The following RANBP17 variants were observed in gnomAD, a reference collection of about 807,000 sequenced individuals.
The protein encoded by RANBP17 is ran-binding protein 17.
A neutral mutation model predicts 141.2 loss-of-function variants in RANBP17; 158 were observed. That is an observed-to-expected ratio of 1.12 (90% CI 0.98 to 1.28). The LOEUF is 1.28. RANBP17 is among the 50% of genes most tolerant of loss of function. RANBP17 has a pLI of 0.00. For synonymous variants in RANBP17, 430 were observed against 450.0 expected (o/e 0.96, Z 0.56); for missense variants, 1,438 against 1,290.7 (o/e 1.11, Z -1.75).
At chr5:170,870,484 C>T (rs141922044) in intron 1 of RANBP17, among the ~76,000 whole-genome samples, 4,080 of 151,934 alleles carry the variant, frequency 0.027, 169 homozygotes, top group African/African-American at 0.093. Context: ...GTTTTCTGTT[C>T]CTGCATTAGC....
chr5:171,201,789 G>C (rs909911231), intron 19 of RANBP17, among the ~76,000 whole-genome samples: 1 of 152,180 alleles, frequency 6.6e-6, no homozygotes, highest in Non-Finnish European at 1.5e-5. Context: ...TGCACTAAAT[G>C]CTTTTAAATG....
At position 170,968,259 on chromosome 5, in the gene RANBP17, C is replaced by G; in HGVS notation, c.1592C>G (p.Ser531Cys). 1 of 1,583,896 alleles carries G rather than the reference C, an allele frequency of 6.3e-7. No individual in the cohort carries two copies. The highest frequency in any genetic ancestry group is 8.5e-7 in the Non-Finnish European group (1 of 1,170,216). ...TCATGAAGAGTTTTTCAGCTTATAT[C>G]TTTAATGGATACCGGATTGCCTCGA... is the stretch of plus-strand genomic sequence containing the variant. ...ELSCRVFQLI[S>C]LMDTGLPRCC... The change falls in exon 14 of 28, where the codon TCT (serine) becomes TGT (cysteine). Residue 531 changes from serine (S) to cysteine (C), a missense_variant. Coordinates refer to ENST00000523189, the MANE Select transcript of RANBP17 (RefSeq NM_022897.5).
chr5:171,000,973 G>A (rs765358553), intron 14 of RANBP17, among the ~76,000 whole-genome samples: 22 of 152,154 alleles, frequency 1.4e-4, no homozygotes, highest in Non-Finnish European at 1.9e-4. Context: ...GCTTCAGGCC[G>A]TCCGGATGTA....
At chr5:170,980,116 G>A (rs1190115449) in intron 14 of RANBP17, among the ~76,000 whole-genome samples, 2 of 152,170 alleles carry the variant, frequency 1.3e-5, no homozygotes, top group Non-Finnish European at 2.9e-5. Flanking sequence ...CCCTACCCTA[G>A]AGATCTGTGG....
intron 18 of RANBP17, among the ~76,000 whole-genome samples, chr5:171,193,302 A>T (rs1252057175): frequency 1.3e-5 from 2 of 152,240 alleles, no homozygotes; most frequent in Admixed American, 1.3e-4. Context: ...TGCAGTGATT[A>T]GAAAGGGGGA....
chr5:170,900,506 A>C (rs905719526), intron 5 of RANBP17, among the ~76,000 whole-genome samples: 1 of 151,344 alleles, frequency 6.6e-6, no homozygotes. Flanking sequence ...TCGTGTCTCT[A>C]TCTCCTTCAG....
intron 14 of RANBP17, among the ~76,000 whole-genome samples, chr5:171,037,053 C>G (rs549996845): frequency 4.6e-5 from 7 of 152,296 alleles, no homozygotes; most frequent in East Asian, 1.9e-4. Flanking sequence ...ATGTTCCCCC[C>G]CAACAGTGTA....
intron 14 of RANBP17, among the ~76,000 whole-genome samples, chr5:171,164,376 A>G (rs1160357107): frequency 6.6e-6 from 1 of 152,196 alleles, no homozygotes; most frequent in East Asian, 1.9e-4. Flanking sequence ...TCTTTATTAA[A>G]TGTACAACTC....
At chr5:171,268,086 G>C (rs982202300) in intron 25 of RANBP17, among the ~76,000 whole-genome samples, 1 of 152,170 alleles carries the variant, frequency 6.6e-6, no homozygotes, top group African/African-American at 2.4e-5. Context: ...AAGGAAAAAG[G>C]AAGGTATCTC....
At chr5:171,207,954 CA>C (rs1762675032) in intron 20 of RANBP17, 1 of 151,782 alleles carries the variant, frequency 6.6e-6, no homozygotes, top group African/African-American at 2.4e-5. Flanking sequence ...TCAAGTAATG[CA>C]AAAATGAATA....
At chr5:171,059,009 G>GT (rs1030038215) in intron 14 of RANBP17, among the ~76,000 whole-genome samples, 244 of 144,480 alleles carry the variant, frequency 1.7e-3, no homozygotes, top group Middle Eastern at 0.011. Flanking sequence ...TGATGGAGTT[G>GT]TTTTTTTTTT....
chr5:170,886,680 A>C (rs1433500789), intron 3 of RANBP17, among the ~76,000 whole-genome samples: 3 of 120,990 alleles, frequency 2.5e-5, no homozygotes, highest in Non-Finnish European at 4.9e-5. Context: ...TTTTTGAGAC[A>C]TAGAGTCTCA....
chr5:171,149,073 C>G (rs556555091), intron 14 of RANBP17, among the ~76,000 whole-genome samples: 1 of 152,210 alleles, frequency 6.6e-6, no homozygotes, highest in African/African-American at 2.4e-5. Flanking sequence ...GGTTCTGTAG[C>G]TACCACGTAC....
chr5:171,083,500 C>T (rs1490819731), intron 14 of RANBP17, among the ~76,000 whole-genome samples: 1 of 152,208 alleles, frequency 6.6e-6, no homozygotes. Context: ...TCTGTTACAG[C>T]AGCCTGAACT....
Position 170,930,532 on chromosome 5 carries a change from G to A in RANBP17, c.1468+5982G>A, listed in dbSNP as rs185704136. ...CCTGTTAACTCGTCATTTACATTAGGTATATCTCCTAATGCTATCCCTCCC... is the reference window on the plus strand; with the variant it reads ...CCTGTTAACTCGTCATTTACATTAGATATATCTCCTAATGCTATCCCTCCC... On this transcript the variant is annotated intron_variant, in intron 12 of 27. Transcript: ENST00000523189. 1.9e-3 allele frequency among the ~76,000 whole-genome samples: 294 copies of A among 151,894 alleles called. 1 individual carries two copies. Among genetic ancestry groups the A allele is most frequent in the African/African-American group, 6.6e-3 (275 of 41,402 alleles).
chr5:171,190,044 G>GA (rs147684648), intron 18 of RANBP17, among the ~76,000 whole-genome samples: 11 of 150,122 alleles, frequency 7.3e-5, no homozygotes, highest in East Asian at 3.9e-4. Flanking sequence ...AAGAATCACA[G>GA]AAAAAAAAAC....
At chr5:171,203,724 AT>A (rs1324159661) in intron 19 of RANBP17, among the ~76,000 whole-genome samples, 4 of 152,184 alleles carry the variant, frequency 2.6e-5, no homozygotes, top group African/African-American at 9.7e-5. Context: ...AGTCTAAAAT[AT>A]TTTTAGAGCC....
At chr5:170,920,848 TGATG>T (rs1413338721) in intron 11 of RANBP17, among the ~76,000 whole-genome samples, 1 of 152,250 alleles carries the variant, frequency 6.6e-6, no homozygotes, top group Non-Finnish European at 1.5e-5. Context: ...TGACCAGTGA[TGATG>T]AGCATTTTTT....
intron 11 of RANBP17, among the ~76,000 whole-genome samples, chr5:170,922,282 G>A (rs567045851): frequency 2.6e-4 from 39 of 151,800 alleles, no homozygotes; most frequent in Non-Finnish European, 5.2e-4. Flanking sequence ...GGCTACACAG[G>A]GGTGAGGGAC....
Sources: gnomAD v4.1 joint callset for allele counts (sites outside exome capture counted in the v4.1 genomes callset) on GRCh38, gnomAD v4.1.1 for gene constraint, MANE v1.5 for transcripts, NCBI Gene and HGNC (gene_info 2026-07-23, HGNC 2026-07-21) for gene names.